Variants in WNK1 observed in about 807,000 individuals in gnomAD.
WNK1 encodes the protein serine/threonine-protein kinase WNK1.
WNK1 carries 38 observed loss-of-function variants against 222.8 expected under a neutral mutation model. That is an observed-to-expected ratio of 0.17 (90% CI 0.13 to 0.22). The LOEUF (loss-of-function observed/expected upper bound fraction) is 0.22, where lower values mean the gene tolerates loss of function less well. Among genes scored for constraint, WNK1 ranks in the 10% least tolerant of loss-of-function variants. The probability of loss-of-function intolerance (pLI) is 1.00; values close to 1 mark genes in which losing one functional copy is unlikely to be tolerated. For missense variants in WNK1, 2,348 were observed against 2,918.4 expected, an observed-to-expected ratio of 0.80 and a Z score of 4.50; for synonymous variants, 1,090 against 1,092.9, an observed-to-expected ratio of 1.00 and a Z score of 0.05.
chr12:900,387 TGGA>T (rs1955155940), intron 25 of WNK1, 86 bp from the exon 26 acceptor site: 2 of 1,437,014 alleles, frequency 1.4e-6, no homozygotes, highest in Non-Finnish European at 2.0e-6. Context: ...CATCACTCAG[TGGA>T]ACAAACCAAA....
intron 26 of WNK1, among the ~76,000 whole-genome samples, chr12:905,599 C>T (rs1227286020): frequency 2.0e-5 from 3 of 152,158 alleles, no homozygotes; most frequent in Non-Finnish European, 4.4e-5. Flanking sequence ...TCACATCAAG[C>T]TCACCAAGCA....
In WNK1 at chr12:814,143, A is replaced by T. The variant is rs542734789; in HGVS notation, c.932+329A>T. Among the ~76,000 whole-genome samples, 590 of 149,360 alleles carry T rather than the reference A, an allele frequency of 4.0e-3. 4 individuals carry two copies. Among genetic ancestry groups the T allele is most frequent in the African/African-American group, 0.014 (555 of 38,808 alleles). ...CAGGAGTTCGAGACCAGCCTGGCCA[A>T]CGTGGTGAAACCCCGTCTCTACTAA... On this transcript the variant is annotated intron_variant, in intron 2 of 27. Transcript: ENST00000315939.
In WNK1 at chr12:753,450, C is replaced by A; in HGVS notation, c.-116C>A. On this transcript the variant is annotated 5_prime_UTR_variant, in exon 1 of 28. Coordinates refer to ENST00000315939, the MANE Select transcript of WNK1 (RefSeq NM_018979.4). The surrounding 1 kb of genome is among the most constrained non-coding windows in gnomAD (Gnocchi z 5.2). ...GTGCTGAGTGAGGCGTCGTCCGGGT[C>A]GGCGCGAACCCGCCCGGCCGCGGTT... is the stretch of plus-strand genomic sequence containing the variant. The A allele has an allele frequency of 7.2e-7, 1 of 1,393,474 alleles. No homozygotes were observed. Among genetic ancestry groups the A allele is most frequent in the Non-Finnish European group, 9.8e-7 (1 of 1,018,344 alleles). The allele number at this position is 1,393,474 out of a possible 1,614,324, so 86.3% of individuals were successfully genotyped here.
At chr12:772,280 G>A (rs192456870) in intron 1 of WNK1, among the ~76,000 whole-genome samples, 22 of 152,220 alleles carry the variant, frequency 1.4e-4, no homozygotes, top group East Asian at 3.9e-4. Context: ...TATAGTTATC[G>A]TTATATTGTA....
chr12:897,233 G>A (rs910750793), intron 24 of WNK1, among the ~76,000 whole-genome samples: 3 of 152,120 alleles, frequency 2.0e-5, no homozygotes, highest in African/African-American at 7.2e-5. Context: ...CAAAAGTCAG[G>A]AAATGTTTTT....
intron 4 of WNK1, among the ~76,000 whole-genome samples, chr12:847,421 C>G (rs72648641): frequency 3.6e-3 from 544 of 152,062 alleles, no homozygotes; most frequent in African/African-American, 0.013. Context: ...ACTCAGTTGA[C>G]TGAAAAAAGG....
intron 1 of WNK1, among the ~76,000 whole-genome samples, chr12:799,920 A>G (rs1945709628): frequency 6.6e-6 from 1 of 152,048 alleles, no homozygotes; most frequent in African/African-American, 2.4e-5. Flanking sequence ...CCTGACCTCA[A>G]GTGATCCACC....
At chr12:864,673 A>G (rs1340009519) in intron 8 of WNK1, among the ~76,000 whole-genome samples, 5 of 152,186 alleles carry the variant, frequency 3.3e-5, no homozygotes, top group African/African-American at 9.7e-5. Flanking sequence ...AAATAATCCA[A>G]TCTTAAAATT....
At chr12:872,010 C>A (rs1952196765) in intron 9 of WNK1, among the ~76,000 whole-genome samples, 1 of 152,226 alleles carries the variant, frequency 6.6e-6, no homozygotes, top group Admixed American at 6.5e-5. Context: ...CTTGCCTCTA[C>A]TAATCCTGCA....
chr12:824,709 A>G (rs185197500), intron 2 of WNK1, among the ~76,000 whole-genome samples: 42 of 152,282 alleles, frequency 2.8e-4, no homozygotes, highest in African/African-American at 8.7e-4. Flanking sequence ...TAGTAGGATA[A>G]GATACCCTTT....
intron 3 of WNK1, 70 bp from the exon 4 acceptor site, chr12:829,933 C>G: frequency 6.4e-7 from 1 of 1,555,720 alleles, no homozygotes; most frequent in Non-Finnish European, 8.9e-7. Flanking sequence ...AACCCCTCTG[C>G]TTCTCACCCC....
chr12:881,489 CTA>C, intron 12 of WNK1: 1 of 615,002 alleles, frequency 1.6e-6, no homozygotes, highest in East Asian at 2.9e-5. Context: ...ACCATGCAGT[CTA>C]TACCAGAGAC....
Position 885,580 on chromosome 12 carries a change from T to A in WNK1, c.4776T>A (p.Pro1592=), listed in dbSNP as rs757561014. The A allele has an allele frequency of 6.2e-7, 1 of 1,614,116 alleles. No homozygotes were observed. Among genetic ancestry groups the A allele is most frequent in the African/African-American group, 1.3e-5 (1 of 75,022 alleles). The change falls in exon 19 of 28, where the codon CCT becomes CCA. Residue 1592 remains proline (P), a synonymous_variant. Transcript: ENST00000315939. The part of the protein sequence containing the change: ...LPQAAGPTST[P]LLPQVPSIPP... ...AAGCAGCAGGACCTACTTCTACACCTTTATTACCCCAAGTACCTAGTATCC... is the reference window on the plus strand; with the variant it reads ...AAGCAGCAGGACCTACTTCTACACCATTATTACCCCAAGTACCTAGTATCC...
At chr12:817,693 C>G (rs1230138689) in intron 2 of WNK1, among the ~76,000 whole-genome samples, 1 of 152,158 alleles carries the variant, frequency 6.6e-6, no homozygotes, top group African/African-American at 2.4e-5. Flanking sequence ...AATCCCAGCA[C>G]TTTGAGAGGC....
intron 8 of WNK1, chr12:865,020 C>T: frequency 7.1e-7 from 1 of 1,399,884 alleles, no homozygotes; most frequent in Non-Finnish European, 9.3e-7. Context: ...AACATTTCTT[C>T]ATGCAACTAT....
chr12:849,031 G>A (rs1950232014), intron 4 of WNK1, among the ~76,000 whole-genome samples: 1 of 152,088 alleles, frequency 6.6e-6, no homozygotes, highest in Non-Finnish European at 1.5e-5. Context: ...CTTTCATTTA[G>A]CCAAGCATGG....
In WNK1 at chr12:754,222, C is replaced by G. The variant is rs1313657640; in HGVS notation, c.657C>G (p.Arg219=). 6.2e-7 allele frequency: 1 copy of G among 1,613,650 alleles called. No homozygotes were observed. The highest frequency in any genetic ancestry group is 1.3e-5 in the African/African-American group (1 of 74,952). ...CCGTGGGAATGTCTAACGATGGCCG[C>G]TTTCTCAAGTTTGACATCGAAATCG... is the stretch of plus-strand genomic sequence containing the variant. ...TKAVGMSNDG[R]FLKFDIEIGR... The change falls in exon 1 of 28, where the codon CGC becomes CGG. Residue 219 remains arginine (R), a synonymous_variant. Transcript: ENST00000315939.
intron 4 of WNK1, among the ~76,000 whole-genome samples, chr12:831,552 A>AG (rs1181175212): frequency 6.6e-6 from 1 of 151,818 alleles, no homozygotes; most frequent in East Asian, 1.9e-4. Flanking sequence ...AAAAAAAAAA[A>AG]TTCCTTTGTC....
Position 896,505 on chromosome 12 carries a change from T to C in WNK1, c.6018T>C (p.His2006=). 6.2e-7 allele frequency: 1 copy of C among 1,613,784 alleles called. No homozygotes were observed. Residue 2006 remains histidine (H), a synonymous_variant, in exon 24 of 28, where the codon CAT becomes CAC. Coordinates refer to ENST00000315939, the MANE Select transcript of WNK1 (RefSeq NM_018979.4). ...AGCCTGAACTGTCAGAGCCTTCACA[T>C]CTAAATGGGCCGTCTTCTGACCCGG... ...KEKPELSEPS[H]LNGPSSDPEA...
Sources: gnomAD v4.1 joint callset for allele counts (sites outside exome capture counted in the v4.1 genomes callset) on GRCh38, gnomAD v4.1.1 for gene constraint, Gnocchi (gnomAD v3.1) non-coding constraint, MANE v1.5 for transcripts, NCBI Gene and HGNC (gene_info 2026-07-23, HGNC 2026-07-21) for gene names.